The following PDE4D variants were observed in gnomAD, a reference collection of about 807,000 sequenced individuals.
The protein encoded by PDE4D is phosphodiesterase 4D.
A neutral mutation model predicts 87.4 loss-of-function variants in PDE4D; 24 were observed. The observed-to-expected ratio is 0.27, with a 90% CI of 0.20 to 0.39. PDE4D has a LOEUF of 0.39. Among genes scored for constraint, PDE4D ranks in the 10% least tolerant of loss-of-function variants. The pLI, the probability that PDE4D is intolerant of heterozygous loss-of-function variation, is 1.00. For synonymous variants in PDE4D, 384 were observed against 383.2 expected, an observed-to-expected ratio of 1.00 and a Z score of -0.02; for missense variants, 714 against 1,041.0, an observed-to-expected ratio of 0.69 and a Z score of 4.32.
chr5:59,848,095 G>A (rs926058447), intron 1 of PDE4D, among the ~76,000 whole-genome samples: 3 of 151,976 alleles, frequency 2.0e-5, no homozygotes, highest in Admixed American at 6.6e-5. Context: ...TGTTTTTGAC[G>A]ATAAAAATCT....
intron 3 of PDE4D, 114 bp from the exon 4 acceptor site, chr5:59,185,376 A>G (rs1443777077): frequency 7.3e-6 from 5 of 688,382 alleles, no homozygotes; most frequent in South Asian, 1.9e-5. Context: ...TTCATATACC[A>G]CTAAAGAATC....
At chr5:59,315,805 C>T (rs1203040659) in intron 1 of PDE4D, among the ~76,000 whole-genome samples, 1 of 152,100 alleles carries the variant, frequency 6.6e-6, no homozygotes, top group Non-Finnish European at 1.5e-5. Flanking sequence ...TAACTACAAC[C>T]ACCAAATGGC....
intron 1 of PDE4D, among the ~76,000 whole-genome samples, chr5:59,343,002 T>G (rs1226961178): frequency 1.3e-5 from 2 of 151,800 alleles, no homozygotes; most frequent in Non-Finnish European, 2.9e-5. Context: ...TTATTTAAAG[T>G]TCAGGGATAT....
chr5:59,107,159 TA>T, intron 5 of PDE4D, among the ~76,000 whole-genome samples: 1 of 152,294 alleles, frequency 6.6e-6, no homozygotes, highest in East Asian at 1.9e-4. Context: ...CAAGACATAA[TA>T]TGAAATATAG....
chr5:59,712,888 G>A (rs1754416077), intron 1 of PDE4D, among the ~76,000 whole-genome samples: 1 of 152,176 alleles, frequency 6.6e-6, no homozygotes, highest in South Asian at 2.1e-4. Context: ...AATAAATAAG[G>A]TTGACAACTG....
intron 6 of PDE4D, among the ~76,000 whole-genome samples, chr5:59,029,228 C>T (rs1444676347): frequency 4.2e-5 from 6 of 144,064 alleles, no homozygotes; most frequent in Non-Finnish European, 6.0e-5. Flanking sequence ...CTGGCTAACA[C>T]AGTGAAACCC....
At chr5:60,022,734 C>G (rs1447609567) in intron 2 of PDE4D, 1 of 152,234 alleles carries the variant, frequency 6.6e-6, no homozygotes, top group Non-Finnish European at 1.5e-5. Flanking sequence ...TTACTTATTT[C>G]CACTTTAGTT....
intron 1 of PDE4D, among the ~76,000 whole-genome samples, chr5:60,396,447 G>A (rs929338199): frequency 6.6e-6 from 1 of 152,152 alleles, no homozygotes. Context: ...TCAAACCAGG[G>A]ATTACCCCAT....
intron 1 of PDE4D, among the ~76,000 whole-genome samples, chr5:59,491,310 G>A (rs1806142472): frequency 6.6e-6 from 1 of 152,182 alleles, no homozygotes; most frequent in Admixed American, 6.5e-5. Flanking sequence ...ATATAAAGCA[G>A]ATACTGCAAA....
At chr5:59,816,970 C>T (rs756773488) in intron 1 of PDE4D, among the ~76,000 whole-genome samples, 19 of 152,304 alleles carry the variant, frequency 1.2e-4, no homozygotes, top group Middle Eastern at 6.8e-3. Flanking sequence ...GAGGAGCCAG[C>T]ATTGATTCGT....
At chr5:60,127,629 G>A (rs1313446826) in intron 2 of PDE4D, 1 of 566,762 alleles carries the variant, frequency 1.8e-6, no homozygotes. Flanking sequence ...GATGACTGTT[G>A]ATATTCATAG....
chr5:59,526,820 T>A (rs1319499672), intron 1 of PDE4D, among the ~76,000 whole-genome samples: 2 of 152,002 alleles, frequency 1.3e-5, no homozygotes, highest in Non-Finnish European at 2.9e-5. Flanking sequence ...CATATGGTGT[T>A]TTGCCATATT....
chr5:59,425,689 T>C (rs1355553675), intron 1 of PDE4D, among the ~76,000 whole-genome samples: 1 of 152,322 alleles, frequency 6.6e-6, no homozygotes, highest in East Asian at 1.9e-4. Flanking sequence ...TTGTTTGCAA[T>C]GTGTACTTGT....
chr5:59,795,669 C>T (rs1766385387), intron 1 of PDE4D, among the ~76,000 whole-genome samples: 1 of 152,132 alleles, frequency 6.6e-6, no homozygotes, highest in South Asian at 2.1e-4. Context: ...ACACTGTCGG[C>T]TGGGGTCCTT....
intron 1 of PDE4D, among the ~76,000 whole-genome samples, chr5:59,704,788 A>G (rs1045606729): frequency 6.6e-6 from 1 of 152,206 alleles, no homozygotes; most frequent in Non-Finnish European, 1.5e-5. Context: ...CGTCTCTCAC[A>G]TTTTTGACTA....
chr5:59,515,525 T>C (rs1018047085), intron 1 of PDE4D, among the ~76,000 whole-genome samples: 1 of 152,190 alleles, frequency 6.6e-6, no homozygotes, highest in Non-Finnish European at 1.5e-5. Context: ...TCACAGATGA[T>C]ACGATTGTCT....
intron 1 of PDE4D, among the ~76,000 whole-genome samples, chr5:59,285,421 T>A (rs1766735986): frequency 6.6e-6 from 1 of 152,116 alleles, no homozygotes; most frequent in African/African-American, 2.4e-5. Flanking sequence ...AACTGAGTCT[T>A]GCCTCTTTCT....
intron 2 of PDE4D, among the ~76,000 whole-genome samples, chr5:60,051,128 T>C (rs1396153128): frequency 1.3e-5 from 2 of 152,064 alleles, no homozygotes; most frequent in African/African-American, 4.8e-5. Flanking sequence ...ATTAGACACA[T>C]CATTGAGACA....
chr5:59,707,848 C>T (rs1753670107), intron 1 of PDE4D, among the ~76,000 whole-genome samples: 1 of 152,162 alleles, frequency 6.6e-6, no homozygotes, highest in Admixed American at 6.6e-5. Flanking sequence ...TTTTCTTCAA[C>T]CAGTCTATCA....
Sources: gnomAD v4.1 joint callset for allele counts (sites outside exome capture counted in the v4.1 genomes callset) on GRCh38, gnomAD v4.1.1 for gene constraint, MANE v1.5 for transcripts, NCBI Gene and HGNC (gene_info 2026-07-23, HGNC 2026-07-21) for gene names.